Variants in MON2 observed in about 807,000 individuals in gnomAD.
MON2 encodes the protein MON2 regulator of endosome-to-Golgi trafficking.
MON2 carries 84 observed loss-of-function variants against 208.6 expected under a neutral mutation model. That is an observed-to-expected ratio of 0.40 (90% CI 0.34 to 0.48). The LOEUF is 0.48. MON2 is among the 20% of genes least tolerant of loss of function. The probability of loss-of-function intolerance (pLI) is 0.59; values close to 1 mark genes in which losing one functional copy is unlikely to be tolerated. For synonymous variants in MON2, 660 were observed against 694.0 expected, an observed-to-expected ratio of 0.95 and a Z score of 0.77; for missense variants, 1,611 against 2,015.4, an observed-to-expected ratio of 0.80 and a Z score of 3.84.
chr12:62,592,532 G>C, intron 34 of MON2, 54 bp from the exon 35 acceptor site: 1 of 1,405,338 alleles, frequency 7.1e-7, no homozygotes, highest in Non-Finnish European at 9.7e-7. Flanking sequence ...CATGTTAATT[G>C]AATAATCTCT....
chr12:62,536,088 A>C (rs1222013824), intron 14 of MON2, among the ~76,000 whole-genome samples: 1 of 152,174 alleles, frequency 6.6e-6, no homozygotes, highest in African/African-American at 2.4e-5. Flanking sequence ...AATCGGAAAC[A>C]GTTGTGATCC....
intron 8 of MON2, among the ~76,000 whole-genome samples, chr12:62,514,707 A>C (rs2071600047): frequency 6.6e-6 from 1 of 152,184 alleles, no homozygotes; most frequent in Non-Finnish European, 1.5e-5. Context: ...AAAAGGCAAC[A>C]CTTGGGAGAA....
chr12:62,578,856 A>G (rs534730503), intron 31 of MON2, among the ~76,000 whole-genome samples: 3 of 152,328 alleles, frequency 2.0e-5, no homozygotes, highest in African/African-American at 7.2e-5. Context: ...GTTCAAATTA[A>G]TCAGAAAGTT....
At chr12:62,538,670 AG>A (rs2136243126) in intron 19 of MON2, among the ~76,000 whole-genome samples, 165 bp downstream of exon 19, 1 of 152,328 alleles carries the variant, frequency 6.6e-6, no homozygotes, top group Admixed American at 6.5e-5. Context: ...AGGAGTAAAA[AG>A]GACATGATTT....
At chr12:62,559,502 G>T (rs1405759282) in intron 25 of MON2, among the ~76,000 whole-genome samples, 1 of 152,054 alleles carries the variant, frequency 6.6e-6, no homozygotes, top group Non-Finnish European at 1.5e-5. Flanking sequence ...AATTAGCCAA[G>T]TGTGGTGGTG....
At chr12:62,578,596 G>A (rs1335590433) in intron 31 of MON2, 91 bp downstream of exon 31, 2 of 781,014 alleles carry the variant, frequency 2.6e-6, no homozygotes, top group East Asian at 2.9e-5. Context: ...AAAGAATAAA[G>A]TAATAGGTTA....
intron 29 of MON2, among the ~76,000 whole-genome samples, chr12:62,569,443 C>T (rs2074504725): frequency 6.6e-6 from 1 of 152,114 alleles, no homozygotes. Context: ...CATCAAAAAC[C>T]ACATTTCTTT....
intron 2 of MON2, among the ~76,000 whole-genome samples, chr12:62,492,499 G>A (rs913934876): frequency 1.3e-5 from 2 of 149,118 alleles, no homozygotes; most frequent in Admixed American, 6.6e-5. Flanking sequence ...AGCCTCCCGA[G>A]TAGCTGGGAC....
chr12:62,526,122 T>G lies in MON2; in HGVS notation c.1400+20T>G, dbSNP rs1174871537. The G allele has an allele frequency of 1.9e-6, 3 of 1,606,772 alleles. No homozygotes were observed. The highest frequency in any genetic ancestry group is 1.7e-5 in the Admixed American group (1 of 59,832). ...CACCTAGTAAGTAGTAGCAGCATTA[T>G]TTTATAAGGAATGATGTTGTTGGGG... On this transcript the variant is annotated intron_variant, in intron 11 of 34. Coordinates refer to ENST00000393630, the MANE Select transcript of MON2 (RefSeq NM_015026.3).
At chr12:62,543,001 T>C in intron 19 of MON2, 96 bp from the exon 20 acceptor site, 1 of 640,776 alleles carries the variant, frequency 1.6e-6, no homozygotes, top group Non-Finnish European at 2.6e-6. Context: ...AATTTTAATT[T>C]CAGTCATGCT....
chr12:62,592,013 G>C (rs993544030), intron 34 of MON2, among the ~76,000 whole-genome samples: 1 of 152,102 alleles, frequency 6.6e-6, no homozygotes, highest in Non-Finnish European at 1.5e-5. Flanking sequence ...GTTCATGATA[G>C]TGGTGAAGAA....
rs573910306 is a variant in MON2 at position 62,545,454 on chromosome 12, C to G, written c.2577+446C>G. The G allele has an allele frequency of 2.0e-5, 3 of 151,886 alleles. No homozygotes were observed. The South Asian group carries it at 6.2e-4, about 32-fold the overall frequency. The allele number at this position is 151,886 out of a possible 1,614,324, so 9.4% of individuals were successfully genotyped here. Reference sequence around the variant, plus strand: ...AATTATGTTTTACTTCCAGAGTTTACTTTTGTCATGAATTCTTTGTCCTGA... The same window carrying G: ...AATTATGTTTTACTTCCAGAGTTTAGTTTTGTCATGAATTCTTTGTCCTGA... On this transcript the variant is annotated intron_variant, in intron 21 of 34. Transcript: ENST00000393630.
chr12:62,583,395 A>C (rs968798856), intron 32 of MON2, among the ~76,000 whole-genome samples: 1 of 151,790 alleles, frequency 6.6e-6, no homozygotes, highest in Non-Finnish European at 1.5e-5. Flanking sequence ...GTTCAGTGAA[A>C]GGTAGAAAGG....
At chr12:62,492,466 G>T (rs2070208959) in intron 2 of MON2, among the ~76,000 whole-genome samples, 1 of 147,718 alleles carries the variant, frequency 6.8e-6, no homozygotes, top group African/African-American at 2.5e-5. Flanking sequence ...CCGCTTCCCG[G>T]GTTCACGCCA....
Position 62,592,763 on chromosome 12 carries a change from A to T in MON2, c.*14A>T. ...GGAGAATCTTGACCGGCTACAATAT[A>T]TTTGAAAGCAGGAAGATAGTCTAAA... is the stretch of plus-strand genomic sequence containing the variant. On this transcript the variant is annotated 3_prime_UTR_variant, in exon 35 of 35. Coordinates refer to ENST00000393630, the MANE Select transcript of MON2 (RefSeq NM_015026.3). 1.3e-6 allele frequency: 2 copies of T among 1,557,248 alleles called. No homozygotes were observed. Among genetic ancestry groups the T allele is most frequent in the Non-Finnish European group, 1.8e-6 (2 of 1,139,158 alleles).
intron 8 of MON2, among the ~76,000 whole-genome samples, chr12:62,519,240 C>T (rs995512995): frequency 6.6e-6 from 1 of 152,134 alleles, no homozygotes; most frequent in Admixed American, 6.6e-5. Context: ...CCTCTAGCAG[C>T]ACACCACCGT....
At chr12:62,553,764 A>G (rs2073850953) in intron 24 of MON2, among the ~76,000 whole-genome samples, 1 of 152,160 alleles carries the variant, frequency 6.6e-6, no homozygotes, top group Non-Finnish European at 1.5e-5. Flanking sequence ...ATTAGTGATC[A>G]TTCCCTCTTT....
At chr12:62,474,073 G>A (rs1288349255) in intron 1 of MON2, among the ~76,000 whole-genome samples, 12 of 149,994 alleles carry the variant, frequency 8.0e-5, no homozygotes, top group Admixed American at 8.0e-4. Flanking sequence ...CATCTAGGAC[G>A]TTTTTTCACA....
chr12:62,579,256 G>A lies in MON2; in HGVS notation c.4575+751G>A, dbSNP rs377651922. 9.9e-5 allele frequency among the ~76,000 whole-genome samples: 15 copies of A among 150,854 alleles called. No individual in the cohort carries two copies. The East Asian group carries it at 1.8e-3, about 18-fold the overall frequency. On this transcript the variant is annotated intron_variant, in intron 31 of 34. Transcript: ENST00000393630. ...AAGACCCTGTCTCTGAAAAAAAAAA[G>A]TAAAAAAAATAAGTAAAAAAGTAAG...
Sources: allele counts gnomAD v4.1 joint callset (sites outside exome capture counted in the v4.1 genomes callset), GRCh38; gene constraint gnomAD v4.1.1; transcripts MANE v1.5; gene names NCBI Gene and HGNC (gene_info 2026-07-23, HGNC 2026-07-21).